CFAP20DC: variants seen among roughly 807,000 people sequenced by gnomAD.
CFAP20DC encodes CFAP20 domain containing, also known as protein CFAP20DC.
CFAP20DC carries 84 observed loss-of-function variants against 101.7 expected under a neutral mutation model. That is an observed-to-expected ratio of 0.83 (90% confidence interval 0.69 to 0.99). CFAP20DC has a LOEUF of 0.99. Ranked by LOEUF, CFAP20DC falls within the 50% of genes least tolerant of loss-of-function variation. The probability of loss-of-function intolerance (pLI) is 0.00; values close to 1 mark genes in which losing one functional copy is unlikely to be tolerated. For synonymous variants in CFAP20DC, 359 were observed against 351.2 expected, an observed-to-expected ratio of 1.02 and a Z score of -0.25; for missense variants, 1,007 against 970.3, an observed-to-expected ratio of 1.04 and a Z score of -0.50.
At chr3:59,044,256 A>G (rs1410883714) in intron 3 of CFAP20DC, among the ~76,000 whole-genome samples, 2 of 152,198 alleles carry the variant, frequency 1.3e-5, no homozygotes, top group Non-Finnish European at 2.9e-5. Context: ...AAAGCCAATT[A>G]TCTATTCAAG....
At position 58,894,188 on chromosome 3, in the gene CFAP20DC, G is replaced by A. The variant is rs145383185; in HGVS notation, c.551-9479C>T. Reference sequence around the variant, plus strand: ...CCCCTTGGCCCCTCCCAAATCTCACGTCCTCACATTTCAAAGCCAATTATG... The same window carrying A: ...CCCCTTGGCCCCTCCCAAATCTCACATCCTCACATTTCAAAGCCAATTATG... On this transcript the variant is annotated intron_variant, in intron 6 of 16. Transcript: ENST00000482387. The surrounding 1 kb of genome is among the most constrained non-coding windows in gnomAD (Gnocchi z 4.1). Among the ~76,000 whole-genome samples the A allele has an allele frequency of 3.4e-3, 521 of 152,142 alleles. 2 individuals carry two copies. The highest frequency in any genetic ancestry group is 0.031 in the Middle Eastern group (9 of 294).
chr3:58,998,844 T>C lies in CFAP20DC; in HGVS notation c.278+40713A>G, dbSNP rs578072263. On this transcript the variant is annotated intron_variant, in intron 4 of 16. Transcript: ENST00000482387. ...CATGTCATGAGCAAGAAATAAATGC[T>C]AGCCATTAAAAATTATGGAGACTTG... Among the ~76,000 whole-genome samples the C allele has an allele frequency of 3.7e-4, 56 of 152,346 alleles. 1 individual carries two copies. The highest frequency in any genetic ancestry group is 1.3e-3 in the African/African-American group (54 of 41,574).
At chr3:58,923,918 T>C (rs1355493153) in intron 5 of CFAP20DC, among the ~76,000 whole-genome samples, 3 of 152,170 alleles carry the variant, frequency 2.0e-5, no homozygotes, top group Admixed American at 2.0e-4. Flanking sequence ...CTCTGCTCAT[T>C]TTGTTTTAGG....
intron 7 of CFAP20DC, among the ~76,000 whole-genome samples, chr3:58,877,975 C>T (rs191094710): frequency 6.6e-6 from 1 of 152,154 alleles, no homozygotes; most frequent in East Asian, 1.9e-4. Flanking sequence ...GGGAGCAGGG[C>T]AAATTGAAGT....
At chr3:58,836,468 C>G (rs1240664712) in intron 13 of CFAP20DC, among the ~76,000 whole-genome samples, 1 of 152,074 alleles carries the variant, frequency 6.6e-6, no homozygotes, top group African/African-American at 2.4e-5. Flanking sequence ...ACCAGTTCTG[C>G]TAAACATTGG....
At chr3:58,765,051 A>G (rs2070139670) in intron 15 of CFAP20DC, among the ~76,000 whole-genome samples, 1 of 152,214 alleles carries the variant, frequency 6.6e-6, no homozygotes, top group Non-Finnish European at 1.5e-5. Context: ...CCGTAAAGGA[A>G]TACCACATTG....
chr3:58,777,005 G>A (rs1017009636), intron 15 of CFAP20DC, among the ~76,000 whole-genome samples: 2 of 152,036 alleles, frequency 1.3e-5, no homozygotes, highest in African/African-American at 4.8e-5. Context: ...GCTCAGAACT[G>A]CTTAGGGCAA....
intron 15 of CFAP20DC, among the ~76,000 whole-genome samples, chr3:58,766,600 C>T (rs987594261): frequency 4.6e-5 from 7 of 152,190 alleles, no homozygotes; most frequent in Admixed American, 6.5e-5. Context: ...CCAGTGTCAT[C>T]GGGAAGCCAT....
At chr3:58,735,964 G>A (rs778543180) in intron 3 of CFAP20DC, among the ~76,000 whole-genome samples, 5 of 151,878 alleles carry the variant, frequency 3.3e-5, no homozygotes, top group African/African-American at 4.8e-5. Context: ...AAAAAATGGC[G>A]CCACCATTTT....
intron 6 of CFAP20DC, among the ~76,000 whole-genome samples, chr3:58,898,438 G>C (rs1306474240): frequency 6.6e-6 from 1 of 152,188 alleles, no homozygotes; most frequent in Admixed American, 6.5e-5. Flanking sequence ...GCCTCCCAAA[G>C]TGCTGAGATT....
At chr3:58,837,178 G>A (rs371656228) in intron 13 of CFAP20DC, among the ~76,000 whole-genome samples, 123 of 152,278 alleles carry the variant, frequency 8.1e-4, no homozygotes, top group Middle Eastern at 3.4e-3. Flanking sequence ...TAAACCTTAA[G>A]AGACCAGATG....
At chr3:58,807,329 A>C (rs2107742593) in intron 14 of CFAP20DC, among the ~76,000 whole-genome samples, 1 of 152,280 alleles carries the variant, frequency 6.6e-6, no homozygotes, top group Admixed American at 6.5e-5. Flanking sequence ...GTAGGGGCAG[A>C]CTGACACTTC....
intron 4 of CFAP20DC, 140 bp from the exon 5 acceptor site, chr3:58,937,902 T>C (rs781462446): frequency 3.2e-6 from 2 of 632,186 alleles, no homozygotes; most frequent in Admixed American, 6.0e-5. Flanking sequence ...AGAATTGCCT[T>C]TTTCTTTCAA....
In CFAP20DC at chr3:58,813,584, C is replaced by G. The variant is rs186803783; in HGVS notation, c.2176-7128G>C. Among the ~76,000 whole-genome samples the G allele has an allele frequency of 3.3e-5, 5 of 151,936 alleles. No individual in the cohort carries two copies. The East Asian group carries it at 7.7e-4, about 23-fold the overall frequency. ...TGCCTGTATATACAGAGCTCATACT[C>G]CTTAGCTTCCAGATATTTCTCATTA... On this transcript the variant is annotated intron_variant, in intron 14 of 16. Coordinates refer to ENST00000482387, the MANE Select transcript of CFAP20DC (RefSeq NM_001394063.1).
At chr3:58,930,990 A>G (rs564720680) in intron 5 of CFAP20DC, among the ~76,000 whole-genome samples, 2 of 152,340 alleles carry the variant, frequency 1.3e-5, no homozygotes, top group South Asian at 2.1e-4. Context: ...GGGAAGCACA[A>G]GGGGTCAGGG....
At chr3:58,972,698 T>G (rs987194830) in intron 4 of CFAP20DC, among the ~76,000 whole-genome samples, 4 of 152,160 alleles carry the variant, frequency 2.6e-5, no homozygotes, top group Non-Finnish European at 4.4e-5. Flanking sequence ...TGGTTCAAAA[T>G]AAGAGACTGT....
intron 3 of CFAP20DC, chr3:58,727,802 A>T (rs903371556): frequency 1.3e-5 from 2 of 152,168 alleles, no homozygotes; most frequent in Admixed American, 6.5e-5. Context: ...GCTTGATAGA[A>T]AAGTTGTGTT....
chr3:59,045,486 T>G (rs933216755), intron 3 of CFAP20DC, among the ~76,000 whole-genome samples: 3 of 152,114 alleles, frequency 2.0e-5, no homozygotes, highest in African/African-American at 7.2e-5. Context: ...TAAATCATAT[T>G]CCTTAAATCA....
Position 58,864,001 on chromosome 3 carries a change from A to G in CFAP20DC, c.1259-109T>C. On this transcript the variant is annotated intron_variant, in intron 11 of 16. Transcript: ENST00000482387. This position sits in a 1 kb window ranked among gnomAD's most constrained non-coding sequence, Gnocchi z 4.7. ...TTGAGACAGTCTCACTCTGCCGCCTAGGCTGCAGTGCAGTCACGCGATCTC... is the reference window on the plus strand; with the variant it reads ...TTGAGACAGTCTCACTCTGCCGCCTGGGCTGCAGTGCAGTCACGCGATCTC... 9.2e-7 allele frequency: 1 copy of G among 1,082,386 alleles called. No individual in the cohort carries two copies. Among genetic ancestry groups the G allele is most frequent in the Non-Finnish European group, 1.3e-6 (1 of 781,590 alleles). 67.0% of individuals were successfully genotyped at this position (1,082,386 alleles called of 1,614,324 possible).
Sources: allele counts gnomAD v4.1 joint callset (sites outside exome capture counted in the v4.1 genomes callset), GRCh38; gene constraint gnomAD v4.1.1; non-coding constraint Gnocchi (gnomAD v3.1); transcripts MANE v1.5; gene names NCBI Gene and HGNC (gene_info 2026-07-23, HGNC 2026-07-21).